USP32: variants seen among roughly 807,000 people sequenced by gnomAD.
The protein encoded by USP32 is ubiquitin carboxyl-terminal hydrolase 32.
USP32 carries 59 observed loss-of-function variants against 204.8 expected under a neutral mutation model. The ratio of observed to expected loss-of-function variants is 0.29; its 90% CI spans 0.23 to 0.36. The LOEUF is 0.36. Among genes scored for constraint, USP32 ranks in the 10% least tolerant of loss-of-function variants. The pLI is 1.00. For synonymous variants in USP32, 517 were observed against 678.4 expected (o/e 0.76, Z 3.70); for missense variants, 1,160 against 1,946.4 (o/e 0.60, Z 7.60).
At chr17:60,387,783 T>C (rs1011246471) in intron 1 of USP32, among the ~76,000 whole-genome samples, 1 of 152,200 alleles carries the variant, frequency 6.6e-6, no homozygotes, top group African/African-American at 2.4e-5. Flanking sequence ...TTAAACATGC[T>C]TAGAACACTT....
chr17:60,227,037 C>CAAA (rs58720440), intron 12 of USP32, among the ~76,000 whole-genome samples: 14 of 61,208 alleles, frequency 2.3e-4, no homozygotes, highest in East Asian at 4.8e-4. Context: ...GACTCTGTCT[C>CAAA]AAAAAAAAAA....
At position 60,261,994 on chromosome 17, in the gene USP32, A is replaced by G. The variant is rs188330092; in HGVS notation, c.990+3418T>C. Reference sequence around the variant, plus strand: ...CCATTTGCTATACTGACACCTGAGTAATAATTAACACACTGTAAAAACATA... The same window carrying G: ...CCATTTGCTATACTGACACCTGAGTGATAATTAACACACTGTAAAAACATA... On this transcript the variant is annotated intron_variant, in intron 9 of 33. Coordinates refer to ENST00000300896, the MANE Select transcript of USP32 (RefSeq NM_032582.4). Among the ~76,000 whole-genome samples, 136 of 152,334 alleles carry G rather than the reference A, an allele frequency of 8.9e-4. 1 individual carries two copies. The highest frequency in any genetic ancestry group is 8.8e-3 in the Admixed American group (134 of 15,298).
At chr17:60,368,134 GCAA>G (rs918519064) in intron 1 of USP32, among the ~76,000 whole-genome samples, 2 of 152,014 alleles carry the variant, frequency 1.3e-5, no homozygotes, top group Admixed American at 6.6e-5. Context: ...AAGCTAACCA[GCAA>G]CAACAACAAA....
intron 27 of USP32, among the ~76,000 whole-genome samples, chr17:60,194,803 G>A (rs1351063719): frequency 3.3e-5 from 5 of 152,000 alleles, no homozygotes; most frequent in Non-Finnish European, 7.4e-5. Context: ...TTACTTATTC[G>A]AACATCCCTA....
chr17:60,418,986 C>G (rs1395648799), intron 1 of USP32, among the ~76,000 whole-genome samples: 1 of 152,152 alleles, frequency 6.6e-6, no homozygotes, highest in East Asian at 1.9e-4. Flanking sequence ...AACAGAACTA[C>G]CATTCAACCC....
chr17:60,356,123 C>T (rs976833979), intron 1 of USP32, among the ~76,000 whole-genome samples: 1 of 152,126 alleles, frequency 6.6e-6, no homozygotes, highest in Non-Finnish European at 1.5e-5. Context: ...CAAGCTTTGT[C>T]TTTATTTGAT....
chr17:60,181,899 T>C, intron 31 of USP32, 151 bp from the exon 32 acceptor site: 2 of 1,253,916 alleles, frequency 1.6e-6, no homozygotes, highest in East Asian at 2.5e-5. Context: ...TCCTATTATG[T>C]AGCCAGTAAG....
chr17:60,186,584 G>A (rs924515541), intron 29 of USP32, among the ~76,000 whole-genome samples: 1 of 152,220 alleles, frequency 6.6e-6, no homozygotes, highest in Non-Finnish European at 1.5e-5. Flanking sequence ...ACAAAAGGAA[G>A]AGCAAGCTCA....
intron 12 of USP32, among the ~76,000 whole-genome samples, chr17:60,228,469 T>A (rs2085452709): frequency 6.6e-6 from 1 of 151,706 alleles, no homozygotes; most frequent in East Asian, 1.9e-4. Flanking sequence ...ACAAAATACA[T>A]GACATTTAAA....
intron 2 of USP32, among the ~76,000 whole-genome samples, chr17:60,344,264 G>T (rs1189577465): frequency 6.7e-5 from 10 of 148,746 alleles, no homozygotes; most frequent in Non-Finnish European, 1.0e-4. Flanking sequence ...GAGTAGCTGG[G>T]ATTACAGGCA....
intron 4 of USP32, among the ~76,000 whole-genome samples, chr17:60,289,996 A>T (rs952455237): frequency 6.6e-6 from 1 of 152,190 alleles, no homozygotes; most frequent in Non-Finnish European, 1.5e-5. Context: ...CAAGACATTG[A>T]CAGTCTTGTT....
chr17:60,406,606 C>T (rs2089978054), intron 1 of USP32, among the ~76,000 whole-genome samples: 1 of 151,944 alleles, frequency 6.6e-6, no homozygotes, highest in South Asian at 2.1e-4. Context: ...ATCTCCACCT[C>T]CCAGGTTCAA....
intron 26 of USP32, among the ~76,000 whole-genome samples, chr17:60,198,865 G>C (rs1483643666): frequency 6.6e-6 from 1 of 152,184 alleles, no homozygotes; most frequent in African/African-American, 2.4e-5. Context: ...TGTAATCCCA[G>C]CACTTTGGAA....
intron 1 of USP32, among the ~76,000 whole-genome samples, chr17:60,420,624 G>T (rs1409103387): frequency 6.6e-6 from 1 of 152,146 alleles, no homozygotes. Flanking sequence ...CCGAGATCAC[G>T]CCATTGCTCC....
Position 60,310,696 on chromosome 17 carries a change from CA to C in USP32, c.187-8993del, listed in dbSNP as rs968440847. 1.7e-4 allele frequency among the ~76,000 whole-genome samples: 24 copies of C among 143,410 alleles called. 1 individual carries two copies. In the Middle Eastern group the frequency reaches 0.018, roughly 105 times the overall value. The allele number at this position is 143,410 out of a possible 152,430, so 94.1% of individuals were successfully genotyped here. On this transcript the variant is annotated intron_variant, in intron 2 of 33. Coordinates refer to ENST00000300896, the MANE Select transcript of USP32 (RefSeq NM_032582.4). ...CCTGGGGACAAAGCAAGATTCCATC[CA>C]AAAAAAAAAGAAATGCTGTCATTTG...
chr17:60,258,416 T>C (rs2086370071), intron 9 of USP32: 1 of 167,854 alleles, frequency 6.0e-6, no homozygotes, highest in Non-Finnish European at 1.4e-5. Flanking sequence ...TTTTAAACTC[T>C]CTACTGACCA....
At chr17:60,258,569 G>A (rs534362157) in intron 9 of USP32, among the ~76,000 whole-genome samples, 2 of 152,310 alleles carry the variant, frequency 1.3e-5, no homozygotes, top group African/African-American at 4.8e-5. Flanking sequence ...AGATTAAGAT[G>A]CCTTGAATTG....
At chr17:60,183,914 T>C (rs887266745) in intron 30 of USP32, among the ~76,000 whole-genome samples, 2 of 152,210 alleles carry the variant, frequency 1.3e-5, no homozygotes, top group Non-Finnish European at 2.9e-5. Flanking sequence ...AAATATATAC[T>C]TGTCAAAATT....
At chr17:60,260,808 A>C (rs1015594535) in intron 9 of USP32, among the ~76,000 whole-genome samples, 2 of 152,142 alleles carry the variant, frequency 1.3e-5, no homozygotes, top group Non-Finnish European at 2.9e-5. Context: ...CAATACATAT[A>C]AATTTCTCCT....
Sources: allele counts gnomAD v4.1 joint callset (sites outside exome capture counted in the v4.1 genomes callset), GRCh38; gene constraint gnomAD v4.1.1; transcripts MANE v1.5; gene names NCBI Gene and HGNC (gene_info 2026-07-23, HGNC 2026-07-21).